Variants in TENM2 observed in about 807,000 individuals in gnomAD.
The protein encoded by TENM2 is teneurin transmembrane protein 2.
TENM2 carries 52 observed loss-of-function variants against 245.2 expected under a neutral mutation model. The ratio of observed to expected loss-of-function variants is 0.21; its 90% confidence interval spans 0.17 to 0.27. TENM2 has a LOEUF of 0.27. Ranked by LOEUF, TENM2 falls within the 10% of genes least tolerant of loss-of-function variation. The pLI, the probability that TENM2 is intolerant of heterozygous loss-of-function variation, is 1.00. For missense variants in TENM2, 3,046 were observed against 3,666.8 expected, an observed-to-expected ratio of 0.83 and a Z score of 4.37; for synonymous variants, 1,363 against 1,438.9, an observed-to-expected ratio of 0.95 and a Z score of 1.19.
chr5:167,866,236 C>T (rs2973669), intron 2 of TENM2, among the ~76,000 whole-genome samples: 12,132 of 152,256 alleles, frequency 0.08, 524 homozygotes, highest in East Asian at 0.15. Flanking sequence ...TGGTGGCTCA[C>T]GCCTGTAATC....
intron 2 of TENM2, among the ~76,000 whole-genome samples, chr5:167,868,847 C>T (rs892272204): frequency 6.6e-6 from 1 of 151,632 alleles, no homozygotes; most frequent in Non-Finnish European, 1.5e-5. Context: ...GTCATGTATA[C>T]ACAGCAGGTG....
chr5:167,577,402 T>C (rs1774778749), intron 2 of TENM2, among the ~76,000 whole-genome samples: 1 of 152,150 alleles, frequency 6.6e-6, no homozygotes, highest in African/African-American at 2.4e-5. Context: ...TTTGTCAGTT[T>C]TCCTTCCTGA....
chr5:167,275,016 A>G, the TENM2 span, among the ~76,000 whole-genome samples: 2 of 151,948 alleles, frequency 1.3e-5, no homozygotes, highest in Non-Finnish European at 1.5e-5. Context: ...ATATAAATAT[A>G]TATACACACA....
At chr5:167,408,396 T>C (rs1008498087) in intron 2 of TENM2, among the ~76,000 whole-genome samples, 3 of 152,120 alleles carry the variant, frequency 2.0e-5, no homozygotes, top group African/African-American at 7.2e-5. Flanking sequence ...CTCTAGTAGA[T>C]GACAAATTCT....
At chr5:167,143,698 T>C in the TENM2 span, among the ~76,000 whole-genome samples, 2 of 152,192 alleles carry the variant, frequency 1.3e-5, no homozygotes, top group Non-Finnish European at 2.9e-5. Context: ...AAATGTCAGA[T>C]GATGGGAGCT....
At chr5:167,942,344 T>C (rs1779253195) in intron 3 of TENM2, among the ~76,000 whole-genome samples, 1 of 152,198 alleles carries the variant, frequency 6.6e-6, no homozygotes, top group Admixed American at 6.5e-5. Context: ...TCTTTACCAA[T>C]TAGGAATTGT....
At chr5:167,628,348 G>T (rs1778650140) in intron 2 of TENM2, among the ~76,000 whole-genome samples, 2 of 152,118 alleles carry the variant, frequency 1.3e-5, no homozygotes, top group Admixed American at 6.5e-5. Flanking sequence ...TTCCTGATAG[G>T]TGTGACCCAG....
intron 8 of TENM2, among the ~76,000 whole-genome samples, chr5:168,094,310 T>C (rs1449627131): frequency 1.3e-5 from 2 of 151,210 alleles, no homozygotes; most frequent in African/African-American, 4.9e-5. Context: ...CATGGGACTG[T>C]GGTGGCAAAG....
chr5:168,126,723 T>G, intron 11 of TENM2, 31 bp from the exon 14 acceptor site: 1 of 1,564,558 alleles, frequency 6.4e-7, no homozygotes, highest in Non-Finnish European at 8.7e-7. Context: ...CCAGCTGTGG[T>G]GTTGAGCTGT....
intron 1 of TENM2, among the ~76,000 whole-genome samples, chr5:167,310,929 G>A (rs920643851): frequency 3.9e-5 from 6 of 152,152 alleles, no homozygotes; most frequent in Non-Finnish European, 8.8e-5. Context: ...GACTTAGTAT[G>A]AACCCAGTTT....
chr5:168,041,115 T>C (rs1294608259), intron 5 of TENM2, among the ~76,000 whole-genome samples: 1 of 152,180 alleles, frequency 6.6e-6, no homozygotes, highest in African/African-American at 2.4e-5. Flanking sequence ...TGTCCTCCAG[T>C]GAGAACTCTG....
intron 2 of TENM2, among the ~76,000 whole-genome samples, chr5:167,634,086 A>C (rs1448941206): frequency 6.6e-6 from 1 of 152,178 alleles, no homozygotes; most frequent in African/African-American, 2.4e-5. Flanking sequence ...GATGTACTGA[A>C]TCATAAACTG....
At chr5:167,274,543 T>C in the TENM2 span, among the ~76,000 whole-genome samples, 2 of 152,044 alleles carry the variant, frequency 1.3e-5, no homozygotes, top group African/African-American at 4.8e-5. Context: ...TACTAGGTTG[T>C]ATGGCAGTTA....
rs540543010 is a variant in TENM2 at position 167,476,814 on chromosome 5, G to A, written c.502+101341G>A. The stretch of plus-strand genomic sequence containing the variant: ...GGTTTTCACCATGTTGGCCAGGCTG[G>A]TCTCGAACTCCTGACCTCAGGTGAT... On this transcript the variant is annotated intron_variant, in intron 2 of 28. Coordinates refer to ENST00000518659, the Ensembl canonical transcript of TENM2. Among the ~76,000 whole-genome samples the A allele has an allele frequency of 1.1e-4, 17 of 152,200 alleles. No individual in the cohort carries two copies. The South Asian group carries it at 3.3e-3, about 30-fold the overall frequency.
chr5:167,776,523 A>T (rs964226386), intron 2 of TENM2, among the ~76,000 whole-genome samples: 2 of 125,532 alleles, frequency 1.6e-5, no homozygotes, highest in African/African-American at 5.8e-5. Context: ...TGGGCCTGGG[A>T]GGTCAAGGCT....
At chr5:168,143,306 A>G (rs544910974) in intron 12 of TENM2, among the ~76,000 whole-genome samples, 1 of 151,340 alleles carries the variant, frequency 6.6e-6, no homozygotes, top group East Asian at 1.9e-4. Flanking sequence ...TGGGGGGTTC[A>G]TAGAGAATAT....
At chr5:167,287,152 A>G (rs543967386) in intron 1 of TENM2, among the ~76,000 whole-genome samples, 1 of 152,356 alleles carries the variant, frequency 6.6e-6, no homozygotes, top group South Asian at 2.1e-4. Context: ...GAGTGGATCT[A>G]CTTTGATGGG....
At chr5:168,047,493 T>C (rs1261299741) in exon 6 of TENM2, 1 of 1,551,734 alleles carries the variant, frequency 6.4e-7, no homozygotes, top group Non-Finnish European at 8.7e-7. Flanking sequence ...AACAATGGGA[T>C]AAGGACCGGC....
At chr5:167,031,933 T>C in the TENM2 span, among the ~76,000 whole-genome samples, 1 of 152,136 alleles carries the variant, frequency 6.6e-6, no homozygotes, top group African/African-American at 2.4e-5. Context: ...CTGTGCAAAT[T>C]CATTTCATAG....
Sources: allele counts gnomAD v4.1 joint callset (sites outside exome capture counted in the v4.1 genomes callset), GRCh38; gene constraint gnomAD v4.1.1; transcripts MANE v1.5; gene names NCBI Gene and HGNC (gene_info 2026-07-23, HGNC 2026-07-21).